The following RBFOX1 variants were observed in gnomAD, a reference collection of about 807,000 sequenced individuals.
RBFOX1 encodes the protein RNA binding fox-1 homolog 1, also known as RNA binding protein fox-1 homolog 1.
Under a neutral mutation model 57.7 loss-of-function variants are expected in RBFOX1, and 8 were observed. The ratio of observed to expected loss-of-function variants is 0.14; its 90% CI spans 0.08 to 0.25. The LOEUF is 0.25. Among genes scored for constraint, RBFOX1 ranks in the 10% least tolerant of loss-of-function variants. The pLI, the probability that RBFOX1 is intolerant of heterozygous loss-of-function variation, is 1.00. For missense variants in RBFOX1, 611 were observed against 548.5 expected, an observed-to-expected ratio of 1.11 and a Z score of -1.14; for synonymous variants, 326 against 222.4, an observed-to-expected ratio of 1.47 and a Z score of -4.15.
At chr16:6,946,067 C>A (rs188973691) in intron 3 of RBFOX1, among the ~76,000 whole-genome samples, 19 of 152,322 alleles carry the variant, frequency 1.2e-4, no homozygotes, top group Admixed American at 4.6e-4. Flanking sequence ...TTAAAGCACC[C>A]TTTCCCCAGC....
At chr16:6,006,229 G>A (rs965749947) in intron 4 of RBFOX1, among the ~76,000 whole-genome samples, 2 of 152,170 alleles carry the variant, frequency 1.3e-5, no homozygotes, top group African/African-American at 2.4e-5. Flanking sequence ...AGTTCAGGTG[G>A]GGTTGAATCT....
chr16:6,726,981 G>A (rs555156668), intron 3 of RBFOX1, among the ~76,000 whole-genome samples: 2 of 150,806 alleles, frequency 1.3e-5, no homozygotes, highest in Admixed American at 1.3e-4. Context: ...GAGACTGGGA[G>A]GCAGTGCAGA....
chr16:5,709,029 C>A (rs961654836), intron 3 of RBFOX1, among the ~76,000 whole-genome samples: 6 of 152,224 alleles, frequency 3.9e-5, no homozygotes, highest in African/African-American at 1.4e-4. Flanking sequence ...GAAATATTTC[C>A]CTACTCAGGA....
intron 4 of RBFOX1, among the ~76,000 whole-genome samples, chr16:7,225,730 T>C (rs574407132): frequency 4.3e-4 from 51 of 117,790 alleles, no homozygotes; most frequent in African/African-American, 1.8e-3. Context: ...TATTGTACTT[T>C]AAAAATGTGA....
chr16:7,453,858 C>A (rs1289397821), intron 4 of RBFOX1, among the ~76,000 whole-genome samples: 1 of 152,176 alleles, frequency 6.6e-6, no homozygotes, highest in African/African-American at 2.4e-5. Flanking sequence ...GTCCTCTAAA[C>A]AGAGTCTTCA....
rs1398998694 is a variant in RBFOX1, at chr16:6,406,602, C to T, written c.-64+89545C>T. Among the ~76,000 whole-genome samples, 11 of 149,270 alleles carry T rather than the reference C, an allele frequency of 7.4e-5. 1 individual carries two copies. Among genetic ancestry groups the T allele is most frequent in the Admixed American group, 6.0e-4 (9 of 14,936 alleles). On this transcript the variant is annotated intron_variant, in intron 2 of 15. Coordinates refer to ENST00000550418, the MANE Select transcript of RBFOX1 (RefSeq NM_018723.4). ...CATTTTTTTTTTTTTTCATTTTAAG[C>T]ACCCTATTGATACTTGGCATCTCTG...
At chr16:5,801,491 C>G (rs957351337) in intron 3 of RBFOX1, among the ~76,000 whole-genome samples, 2 of 152,172 alleles carry the variant, frequency 1.3e-5, no homozygotes, top group South Asian at 2.1e-4. Context: ...TAGCAGTCAT[C>G]GGGCAGTTAC....
At chr16:6,466,031 C>G (rs1455404309) in intron 2 of RBFOX1, among the ~76,000 whole-genome samples, 1 of 151,884 alleles carries the variant, frequency 6.6e-6, no homozygotes, top group Non-Finnish European at 1.5e-5. Flanking sequence ...GAGTTTGAGA[C>G]CAGCCTGGTC....
At chr16:5,990,500 C>G (rs2060374199) in intron 4 of RBFOX1, among the ~76,000 whole-genome samples, 1 of 152,184 alleles carries the variant, frequency 6.6e-6, no homozygotes, top group Non-Finnish European at 1.5e-5. Context: ...CCATTTCTTT[C>G]TTTTTTCTGC....
In RBFOX1 at chr16:6,655,982, C is replaced by T. The variant is rs139018450; in HGVS notation, c.-16+1332C>T. On this transcript the variant is annotated intron_variant, in intron 3 of 15. Coordinates refer to ENST00000550418, the MANE Select transcript of RBFOX1 (RefSeq NM_018723.4). ...CCTCACATTGGGAAGAATAATGATA[C>T]AGTAAGTTCAATTCAATCTGCGTGA... Among the ~76,000 whole-genome samples, 10 of 152,306 alleles carry T rather than the reference C, an allele frequency of 6.6e-5. No homozygotes were observed. In the East Asian group the frequency reaches 1.7e-3, roughly 26 times the overall value.
chr16:6,025,112 T>A lies in RBFOX1; in HGVS notation c.-127+5120T>A, dbSNP rs112209619. On this transcript the variant is annotated intron_variant, in intron 1 of 15. Coordinates refer to ENST00000550418, the MANE Select transcript of RBFOX1 (RefSeq NM_018723.4). ...ATGCAGAGAGATACCAGGATATATT[T>A]ATGTCTTAAACATTATGGGAAAATT... 3.9e-5 allele frequency among the ~76,000 whole-genome samples: 6 copies of A among 152,366 alleles called. 1 individual carries two copies. The highest frequency in any genetic ancestry group is 1.2e-4 in the African/African-American group (5 of 41,590).
At chr16:5,512,191 G>A (rs556208883) in intron 2 of RBFOX1, among the ~76,000 whole-genome samples, 1 of 152,206 alleles carries the variant, frequency 6.6e-6, no homozygotes, top group Non-Finnish European at 1.5e-5. Context: ...GTTTGCACGA[G>A]GGTGAGCACA....
At chr16:5,894,432 C>T (rs1164071438) in intron 4 of RBFOX1, among the ~76,000 whole-genome samples, 1 of 151,990 alleles carries the variant, frequency 6.6e-6, no homozygotes, top group Non-Finnish European at 1.5e-5. Flanking sequence ...TACCACTACA[C>T]CTGGCTAATT....
chr16:5,292,538 A>T (rs957811084), intron 1 of RBFOX1, among the ~76,000 whole-genome samples: 1 of 152,156 alleles, frequency 6.6e-6, no homozygotes, highest in African/African-American at 2.4e-5. Flanking sequence ...GACCCAATGC[A>T]AATAGGCACT....
At chr16:5,952,596 A>G (rs1423211836) in intron 4 of RBFOX1, among the ~76,000 whole-genome samples, 2 of 152,084 alleles carry the variant, frequency 1.3e-5, no homozygotes, top group Non-Finnish European at 2.9e-5. Context: ...CTATGTATAT[A>G]TTTTTGTTCT....
At chr16:7,048,289 T>G (rs1598037406) in intron 3 of RBFOX1, among the ~76,000 whole-genome samples, 2 of 152,046 alleles carry the variant, frequency 1.3e-5, no homozygotes, top group Non-Finnish European at 2.9e-5. Flanking sequence ...CGATGGAGTC[T>G]TGCTCTGTCT....
At chr16:6,572,971 C>T (rs956249761) in intron 2 of RBFOX1, among the ~76,000 whole-genome samples, 1 of 152,126 alleles carries the variant, frequency 6.6e-6, no homozygotes, top group Non-Finnish European at 1.5e-5. Flanking sequence ...TAAATACCTT[C>T]CCTCGGGGAC....
At chr16:5,745,761 T>C (rs890741999) in intron 3 of RBFOX1, among the ~76,000 whole-genome samples, 9 of 152,248 alleles carry the variant, frequency 5.9e-5, no homozygotes, top group Non-Finnish European at 2.9e-5. Context: ...TGTCTGTTCA[T>C]ATCCTTCACC....
At chr16:6,244,855 C>G (rs933643004) in intron 1 of RBFOX1, among the ~76,000 whole-genome samples, 1 of 152,168 alleles carries the variant, frequency 6.6e-6, no homozygotes, top group Non-Finnish European at 1.5e-5. Flanking sequence ...TTCTCCTTCA[C>G]GGATTTGTCT....
Sources: allele counts gnomAD v4.1 joint callset (sites outside exome capture counted in the v4.1 genomes callset), GRCh38; gene constraint gnomAD v4.1.1; transcripts MANE v1.5; gene names NCBI Gene and HGNC (gene_info 2026-07-23, HGNC 2026-07-21).